The following ARL15 variants were observed in gnomAD, a reference collection of about 807,000 sequenced individuals.
ARL15 encodes the protein ARF like GTPase 15.
In ARL15, 19 loss-of-function variants were observed where a neutral mutation model predicts 25.2. The ratio of observed to expected loss-of-function variants is 0.75; its 90% CI spans 0.53 to 1.10. The LOEUF (loss-of-function observed/expected upper bound fraction) is 1.10, where lower values mean the gene tolerates loss of function less well. Among genes scored for constraint, ARL15 ranks in the 50% least tolerant of loss-of-function variants. The probability of loss-of-function intolerance (pLI) is 0.00; values close to 1 mark genes in which losing one functional copy is unlikely to be tolerated. For synonymous variants in ARL15, 94 were observed against 86.8 expected (o/e 1.08, Z -0.46); for missense variants, 220 against 246.0 (o/e 0.89, Z 0.71).
chr5:53,999,103 G>C (rs1748774352), intron 4 of ARL15, among the ~76,000 whole-genome samples: 1 of 152,082 alleles, frequency 6.6e-6, no homozygotes, highest in Non-Finnish European at 1.5e-5. Context: ...AAATCTCCTA[G>C]GTAGAAAGAA....
intron 4 of ARL15, among the ~76,000 whole-genome samples, chr5:53,938,379 A>AT (rs1746422145): frequency 6.6e-6 from 1 of 152,198 alleles, no homozygotes; most frequent in African/African-American, 2.4e-5. Context: ...CTGGATAAAT[A>AT]TTTTTACTTT....
intron 3 of ARL15, among the ~76,000 whole-genome samples, chr5:54,130,140 A>T (rs1753387056): frequency 6.6e-6 from 1 of 152,224 alleles, no homozygotes; most frequent in Non-Finnish European, 1.5e-5. Flanking sequence ...TGGGAGGCTG[A>T]AGCAAAAGAA....
At chr5:54,152,837 A>G (rs1453570918) in intron 3 of ARL15, among the ~76,000 whole-genome samples, 2 of 152,348 alleles carry the variant, frequency 1.3e-5, no homozygotes, top group African/African-American at 4.8e-5. Flanking sequence ...GCTTGAGAAC[A>G]GACCTATTCC....
intron 4 of ARL15, among the ~76,000 whole-genome samples, chr5:53,918,263 G>A (rs1211874255): frequency 6.6e-6 from 1 of 152,184 alleles, no homozygotes; most frequent in Non-Finnish European, 1.5e-5. Context: ...ATAGCTCACT[G>A]CAAATTTGAC....
intron 1 of ARL15, among the ~76,000 whole-genome samples, chr5:54,174,072 T>C (rs1317994593): frequency 6.6e-6 from 1 of 152,180 alleles, no homozygotes; most frequent in African/African-American, 2.4e-5. Flanking sequence ...ACACAGACAA[T>C]TGCAGTTTCT....
intron 4 of ARL15, among the ~76,000 whole-genome samples, chr5:53,910,634 TA>T (rs1286030334): frequency 0.082 from 2,473 of 30,076 alleles, 39 homozygotes; most frequent in African/African-American, 0.11. Flanking sequence ...AAAAAAAAAT[TA>T]TATATATATA....
At chr5:54,212,090 AT>A (rs1482068179) in intron 1 of ARL15, among the ~76,000 whole-genome samples, 1 of 152,172 alleles carries the variant, frequency 6.6e-6, no homozygotes, top group Non-Finnish European at 1.5e-5. Context: ...TGCAGGCCAT[AT>A]AGTCTCCGTC....
At chr5:54,017,198 A>G (rs979493405) in intron 4 of ARL15, among the ~76,000 whole-genome samples, 28 of 152,214 alleles carry the variant, frequency 1.8e-4, no homozygotes, top group African/African-American at 6.5e-4. Context: ...ACCCGTGAGC[A>G]CAAGAGAGAG....
intron 1 of ARL15, among the ~76,000 whole-genome samples, chr5:54,179,019 C>A (rs28033): frequency 0.45 from 67,656 of 151,878 alleles, 15,330 homozygotes; most frequent in Admixed American, 0.48. Flanking sequence ...TAGAAAAGTA[C>A]CATATGATTT....
At chr5:54,224,479 A>G (rs990294499) in intron 1 of ARL15, among the ~76,000 whole-genome samples, 1 of 152,206 alleles carries the variant, frequency 6.6e-6, no homozygotes, top group African/African-American at 2.4e-5. Flanking sequence ...AATTGATTTC[A>G]CATCCACTAT....
intron 4 of ARL15, among the ~76,000 whole-genome samples, chr5:53,972,401 T>A (rs1215335773): frequency 6.6e-6 from 1 of 152,214 alleles, no homozygotes; most frequent in African/African-American, 2.4e-5. Context: ...GTAGAAGATA[T>A]GCTGGACTTT....
At chr5:53,939,151 T>C (rs1746447288) in intron 4 of ARL15, among the ~76,000 whole-genome samples, 1 of 152,230 alleles carries the variant, frequency 6.6e-6, no homozygotes, top group Non-Finnish European at 1.5e-5. Flanking sequence ...CAAAGAGCTC[T>C]GAATGAGTTC....
intron 3 of ARL15, among the ~76,000 whole-genome samples, chr5:54,118,472 T>C (rs1232800390): frequency 2.0e-5 from 3 of 152,220 alleles, no homozygotes; most frequent in Non-Finnish European, 1.5e-5. Flanking sequence ...CTTATTATTC[T>C]TTTATAAAAA....
At chr5:54,018,471 G>A (rs926419356) in intron 4 of ARL15, among the ~76,000 whole-genome samples, 1 of 152,134 alleles carries the variant, frequency 6.6e-6, no homozygotes, top group East Asian at 1.9e-4. Flanking sequence ...TTCTAAAGAA[G>A]AAAAGGCACA....
intron 1 of ARL15, among the ~76,000 whole-genome samples, chr5:54,271,815 T>G (rs1176677594): frequency 1.3e-5 from 2 of 152,186 alleles, no homozygotes; most frequent in Admixed American, 1.3e-4. Flanking sequence ...TTAAATAAGT[T>G]TATGTTCTAC....
At chr5:54,251,585 A>T (rs1053858699) in intron 1 of ARL15, among the ~76,000 whole-genome samples, 5 of 152,198 alleles carry the variant, frequency 3.3e-5, no homozygotes, top group African/African-American at 4.8e-5. Flanking sequence ...TCTGTGTCTC[A>T]TAAAGGGATG....
chr5:53,949,528 A>G (rs976009696), intron 4 of ARL15, among the ~76,000 whole-genome samples: 26 of 152,218 alleles, frequency 1.7e-4, no homozygotes, highest in Non-Finnish European at 1.5e-5. Context: ...AAATGATGAC[A>G]TGGAAGACAG....
chr5:53,954,517 C>G (rs1747080933), intron 4 of ARL15, among the ~76,000 whole-genome samples: 2 of 152,186 alleles, frequency 1.3e-5, no homozygotes, highest in South Asian at 4.1e-4. Context: ...CCTGCGTTTC[C>G]CACTTCCCAG....
chr5:54,192,996 T>C (rs1755449892), intron 1 of ARL15, among the ~76,000 whole-genome samples: 1 of 152,310 alleles, frequency 6.6e-6, no homozygotes, highest in South Asian at 2.1e-4. Context: ...ACGTAGGACA[T>C]TCCTTCCATT....
Sources: allele counts gnomAD v4.1 joint callset (sites outside exome capture counted in the v4.1 genomes callset), GRCh38; gene constraint gnomAD v4.1.1; transcripts MANE v1.5; gene names NCBI Gene and HGNC (gene_info 2026-07-23, HGNC 2026-07-21).